Variants in KAZN observed in about 807,000 individuals in gnomAD.
The protein encoded by KAZN is kazrin, periplakin interacting protein.
Under a neutral mutation model 87.4 loss-of-function variants are expected in KAZN, and 40 were observed. The ratio of observed to expected loss-of-function variants is 0.46; its 90% CI spans 0.36 to 0.60. KAZN has a LOEUF of 0.60. Among genes scored for constraint, KAZN ranks in the 20% least tolerant of loss-of-function variants. The pLI, the probability that KAZN is intolerant of heterozygous loss-of-function variation, is 0.00. For synonymous variants in KAZN, 466 were observed against 458.3 expected (o/e 1.02, Z -0.22); for missense variants, 898 against 1,073.9 (o/e 0.84, Z 2.29).
chr1:13,970,163 G>T (rs570692515), intron 1 of KAZN, among the ~76,000 whole-genome samples: 7 of 152,292 alleles, frequency 4.6e-5, no homozygotes, highest in East Asian at 1.9e-4. Context: ...GTATATTCTT[G>T]GTTTTTAAGC....
intron 1 of KAZN, among the ~76,000 whole-genome samples, chr1:13,903,505 T>TG (rs1213379592): frequency 6.6e-6 from 1 of 152,128 alleles, no homozygotes; most frequent in African/African-American, 2.4e-5. Flanking sequence ...GGAGAGCCAG[T>TG]GGGGGACTCC....
At chr1:14,312,042 T>C (rs1655341271) in intron 2 of KAZN, among the ~76,000 whole-genome samples, 1 of 152,032 alleles carries the variant, frequency 6.6e-6, no homozygotes, top group Admixed American at 6.6e-5. Flanking sequence ...AAGAAAGACA[T>C]GTTTGGAGAG....
intron 1 of KAZN, among the ~76,000 whole-genome samples, chr1:14,782,406 G>A (rs751083380): frequency 1.1e-4 from 16 of 151,668 alleles, no homozygotes; most frequent in Admixed American, 3.3e-4. Flanking sequence ...AAATTAGCCC[G>A]GCATGGTAGC....
At chr1:14,283,085 C>T (rs187557991) in intron 2 of KAZN, among the ~76,000 whole-genome samples, 38 of 152,296 alleles carry the variant, frequency 2.5e-4, no homozygotes, top group Non-Finnish European at 4.0e-4. Flanking sequence ...AGCAGTATTA[C>T]CAGAACCTGC....
intron 2 of KAZN, among the ~76,000 whole-genome samples, chr1:14,395,964 C>T (rs1047029030): frequency 1.2e-4 from 18 of 151,868 alleles, no homozygotes; most frequent in Admixed American, 2.6e-4. Flanking sequence ...GTCAGACGCT[C>T]GAGACCAGCC....
intron 1 of KAZN, among the ~76,000 whole-genome samples, chr1:13,922,290 A>G (rs1179702685): frequency 6.6e-6 from 1 of 152,188 alleles, no homozygotes; most frequent in African/African-American, 2.4e-5. Flanking sequence ...AGATACAGAA[A>G]GATCACGTAT....
At chr1:14,597,730 A>G (rs1390836961), upstream of KAZN, among the ~76,000 whole-genome samples, 1 of 151,932 alleles carries the variant, frequency 6.6e-6, no homozygotes, top group East Asian at 1.9e-4. Flanking sequence ...CGCCCTGTTG[A>G]CCAGAGGGTT....
At chr1:14,172,420 G>T (rs72643184) in intron 1 of KAZN, among the ~76,000 whole-genome samples, 1 of 151,896 alleles carries the variant, frequency 6.6e-6, no homozygotes, top group East Asian at 1.9e-4. Context: ...GCAAATATTT[G>T]TTTGTTCGAG....
intron 1 of KAZN, among the ~76,000 whole-genome samples, chr1:14,847,064 A>G (rs575839763): frequency 1.2e-3 from 176 of 152,262 alleles, no homozygotes; most frequent in African/African-American, 3.9e-3. Context: ...TTTCTCCCCT[A>G]TTCTTTTACT....
intron 2 of KAZN, among the ~76,000 whole-genome samples, chr1:14,506,151 G>A (rs547674063): frequency 4.6e-5 from 7 of 152,306 alleles, no homozygotes; most frequent in African/African-American, 1.7e-4. Context: ...AGGCCAGAAA[G>A]ATGATACCAC....
At chr1:14,915,048 G>A (rs1246464095) in intron 1 of KAZN, among the ~76,000 whole-genome samples, 3 of 152,144 alleles carry the variant, frequency 2.0e-5, no homozygotes, top group African/African-American at 7.2e-5. Context: ...TTAGCCGGGC[G>A]TGGTGGTGCA....
In KAZN at chr1:15,114,730, G is replaced by T. The variant is rs774450436; in HGVS notation, c.*95G>T. The stretch of plus-strand genomic sequence containing the variant: ...GTCGTTCTCACTGTACATAGCGGCC[G>T]CAGGCTGAGGATGTCCCTTGCTCCT... On this transcript the variant is annotated 3_prime_UTR_variant, in exon 15 of 15. Coordinates refer to ENST00000376030, the MANE Select transcript of KAZN (RefSeq NM_201628.3). 16 of 1,261,542 alleles carry T rather than the reference G, an allele frequency of 1.3e-5. No homozygotes were observed. The highest frequency in any genetic ancestry group is 1.6e-5 in the Non-Finnish European group (15 of 921,400). 78.1% of individuals were successfully genotyped at this position (1,261,542 alleles called of 1,614,324 possible). A position where few individuals can be genotyped will look rare whatever the true frequency, so the allele number is the denominator to read the frequency against.
In KAZN at chr1:15,099,730, C is replaced by T. The variant is rs148479945; in HGVS notation, c.1548-1813C>T. 5.3e-5 allele frequency among the ~76,000 whole-genome samples: 8 copies of T among 152,262 alleles called. No homozygotes were observed. The highest frequency in any genetic ancestry group is 1.2e-4 in the Non-Finnish European group (8 of 68,018). On this transcript the variant is annotated intron_variant, in intron 10 of 14. Transcript: ENST00000376030. The surrounding 1 kb of genome is among the most constrained non-coding windows in gnomAD (Gnocchi z 5.4). ...TGTTGAGCAGGGGAGTGCACGGTCA[C>T]ACTGACATTTTAAAAGGACCCCCTG...
chr1:14,664,761 C>T (rs371061816), intron 1 of KAZN, among the ~76,000 whole-genome samples: 1 of 150,808 alleles, frequency 6.6e-6, no homozygotes, highest in African/African-American at 2.4e-5. Flanking sequence ...TCACGGTATT[C>T]TCCTGCCTCA....
At chr1:13,897,555 T>A (rs1262765561) in intron 1 of KAZN, among the ~76,000 whole-genome samples, 1 of 152,118 alleles carries the variant, frequency 6.6e-6, no homozygotes, top group Non-Finnish European at 1.5e-5. Context: ...AGAACAGAGT[T>A]CTCAGCATGT....
chr1:14,759,758 G>C (rs963247373), intron 1 of KAZN, among the ~76,000 whole-genome samples: 1 of 152,102 alleles, frequency 6.6e-6, no homozygotes, highest in Admixed American at 6.5e-5. Context: ...AGAACAGGTC[G>C]GTGTCCATGA....
At chr1:14,546,531 T>C (rs1673157422) in intron 2 of KAZN, among the ~76,000 whole-genome samples, 1 of 152,084 alleles carries the variant, frequency 6.6e-6, no homozygotes, top group East Asian at 1.9e-4. Context: ...CTCGGTGATT[T>C]ACGTAGTAAA....
chr1:14,974,021 G>A (rs1011119444), intron 2 of KAZN, among the ~76,000 whole-genome samples: 6 of 151,954 alleles, frequency 3.9e-5, no homozygotes, highest in Non-Finnish European at 7.4e-5. Context: ...TCCTCTGGAC[G>A]ACCCAAGATG....
intron 2 of KAZN, among the ~76,000 whole-genome samples, chr1:14,464,541 TTC>T (rs1553176048): frequency 6.7e-6 from 1 of 149,254 alleles, no homozygotes; most frequent in African/African-American, 2.6e-5. Context: ...TCTTTTTTTT[TTC>T]TTTCTTTTTT....
Sources: gnomAD v4.1 joint callset for allele counts (sites outside exome capture counted in the v4.1 genomes callset) on GRCh38, gnomAD v4.1.1 for gene constraint, Gnocchi (gnomAD v3.1) non-coding constraint, MANE v1.5 for transcripts, NCBI Gene and HGNC (gene_info 2026-07-23, HGNC 2026-07-21) for gene names.